EIF4G3: variants seen among roughly 807,000 people sequenced by gnomAD.
EIF4G3 encodes eukaryotic translation initiation factor 4 gamma 3.
A neutral mutation model predicts 186.4 loss-of-function variants in EIF4G3; 34 were observed. The ratio of observed to expected loss-of-function variants is 0.18; its 90% CI spans 0.14 to 0.24. EIF4G3 has a LOEUF of 0.24. EIF4G3 is among the 10% of genes least tolerant of loss of function. EIF4G3 has a pLI of 1.00. For missense variants in EIF4G3, 1,536 were observed against 1,948.5 expected, an observed-to-expected ratio of 0.79 and a Z score of 3.99; for synonymous variants, 673 against 679.5, an observed-to-expected ratio of 0.99 and a Z score of 0.15.
chr1:20,817,239 T>TAAA (rs1393707541), intron 34 of EIF4G3, among the ~76,000 whole-genome samples, 153 bp downstream of exon 34: 1 of 96,852 alleles, frequency 1.0e-5, no homozygotes, highest in African/African-American at 4.2e-5. Context: ...GAATGATCAA[T>TAAA]TAAAAAAAAA....
At chr1:21,010,477 CAT>C (rs2086723150) in intron 4 of EIF4G3, among the ~76,000 whole-genome samples, 1 of 146,566 alleles carries the variant, frequency 6.8e-6, no homozygotes, top group Non-Finnish European at 1.5e-5. Flanking sequence ...AAAAAGAAAA[CAT>C]GTAACAAAAT....
At chr1:20,981,557 T>C (rs1033179126) in intron 8 of EIF4G3, among the ~76,000 whole-genome samples, 3 of 142,722 alleles carry the variant, frequency 2.1e-5, no homozygotes, top group East Asian at 2.0e-4. Flanking sequence ...TATGTATACA[T>C]ACATACATGT....
At chr1:21,170,315 T>C (rs1261000328) in intron 2 of EIF4G3, among the ~76,000 whole-genome samples, 1 of 152,150 alleles carries the variant, frequency 6.6e-6, no homozygotes, top group African/African-American at 2.4e-5. Flanking sequence ...TTCATGGAGT[T>C]TACATTCTAT....
At chr1:21,025,884 A>T (rs1380962091) in intron 4 of EIF4G3, among the ~76,000 whole-genome samples, 1 of 152,202 alleles carries the variant, frequency 6.6e-6, no homozygotes, top group African/African-American at 2.4e-5. Flanking sequence ...TTGCCATGAG[A>T]GTGGATGAGA....
chr1:21,137,962 C>A (rs1330712375), intron 2 of EIF4G3, among the ~76,000 whole-genome samples: 1 of 152,126 alleles, frequency 6.6e-6, no homozygotes, highest in Admixed American at 6.6e-5. Context: ...ATCCTAACTA[C>A]CTTGGGCACA....
intron 3 of EIF4G3, among the ~76,000 whole-genome samples, chr1:21,083,223 AGAGT>A (rs1266886990): frequency 6.6e-6 from 1 of 152,140 alleles, no homozygotes; most frequent in Non-Finnish European, 1.5e-5. Flanking sequence ...CCTAGACGAC[AGAGT>A]GAGACTCTGT....
chr1:21,113,126 G>C (rs2096755148), intron 2 of EIF4G3, among the ~76,000 whole-genome samples: 2 of 125,204 alleles, frequency 1.6e-5, no homozygotes, highest in African/African-American at 6.1e-5. Flanking sequence ...ACTCCGGCCT[G>C]GCTGATAGAG....
At chr1:20,999,723 T>C (rs933050564) in intron 6 of EIF4G3, 4 of 454,602 alleles carry the variant, frequency 8.8e-6, no homozygotes, top group African/African-American at 4.0e-5. Context: ...TAGTCACCAT[T>C]GGCTATTGAG....
At chr1:21,035,223 G>C (rs979644606) in intron 4 of EIF4G3, among the ~76,000 whole-genome samples, 1 of 152,222 alleles carries the variant, frequency 6.6e-6, no homozygotes, top group Non-Finnish European at 1.5e-5. Context: ...CATTTGTGCA[G>C]GGCTGGCCAG....
In EIF4G3 at chr1:21,122,446, GA is replaced by G. The variant is rs1322497523; in HGVS notation, c.-271-33234del. Among the ~76,000 whole-genome samples, 3 of 152,228 alleles carry G rather than the reference GA, an allele frequency of 2.0e-5. No homozygotes were observed. The South Asian group carries it at 6.2e-4, about 32-fold the overall frequency. ...AAACCATGTAACTTATTTTTCTGTT[GA>G]TTTTTATAAATTACAAGGTGACAGA... On this transcript the variant is annotated intron_variant, in intron 2 of 36. Coordinates refer to ENST00000602326, the MANE Select transcript of EIF4G3 (RefSeq NM_001391906.1).
intron 14 of EIF4G3, among the ~76,000 whole-genome samples, chr1:20,939,116 T>TAAA (rs3051247): frequency 0.049 from 6,374 of 129,668 alleles, 232 homozygotes; most frequent in Non-Finnish European, 0.07. Context: ...TAAAAAAAAT[T>TAAA]AAAAAAAAAA....
chr1:20,827,744 TTCTTC>T (rs1557810658), intron 31 of EIF4G3, 46 bp from the exon 32 acceptor site: 2 of 1,347,188 alleles, frequency 1.5e-6, no homozygotes, highest in Admixed American at 3.5e-5. Context: ...AAGAAATCCT[TTCTTC>T]TAGAACAAGA....
chr1:20,988,171 A>C (rs1292093931), intron 7 of EIF4G3: 1 of 160,956 alleles, frequency 6.2e-6, no homozygotes. Flanking sequence ...CATGAGGTTT[A>C]GTGAAAGCAG....
In EIF4G3 at chr1:20,932,454, C is replaced by T. The variant is rs1360151632; in HGVS notation, c.1663+9037G>A. 3.3e-5 allele frequency among the ~76,000 whole-genome samples: 5 copies of T among 152,186 alleles called. No individual in the cohort carries two copies. The East Asian group carries it at 9.6e-4, about 29-fold the overall frequency. Reference sequence around the variant, plus strand: ...GGGCCTAGCTTTCACTCTGTCTCAGCTTTCGATACATATTCCTCACTAAGC... The same window carrying T: ...GGGCCTAGCTTTCACTCTGTCTCAGTTTTCGATACATATTCCTCACTAAGC... On this transcript the variant is annotated intron_variant, in intron 14 of 36. Transcript: ENST00000602326.
chr1:20,995,246 G>A (rs1004227100), intron 7 of EIF4G3, among the ~76,000 whole-genome samples: 4 of 152,122 alleles, frequency 2.6e-5, no homozygotes, highest in Non-Finnish European at 5.9e-5. Flanking sequence ...AACCCAAGTA[G>A]CAGAAACATA....
At chr1:20,841,158 A>T (rs1180698698) in intron 29 of EIF4G3, 130 bp from the exon 30 acceptor site, 1 of 845,058 alleles carries the variant, frequency 1.2e-6, no homozygotes, top group Non-Finnish European at 1.8e-6. Flanking sequence ...GTTTTCAAAT[A>T]TAAGTTTATA....
chr1:21,121,774 C>CA (rs35864256), intron 2 of EIF4G3, among the ~76,000 whole-genome samples: 4,649 of 85,354 alleles, frequency 0.054, 96 homozygotes, highest in Middle Eastern at 0.071. Flanking sequence ...GACTCCGTCT[C>CA]AAAAAAAAAA....
At chr1:20,931,845 A>G (rs1329891679) in intron 14 of EIF4G3, among the ~76,000 whole-genome samples, 1 of 151,914 alleles carries the variant, frequency 6.6e-6, no homozygotes, top group Non-Finnish European at 1.5e-5. Context: ...GAATCGCTTG[A>G]ACCCGGGAGG....
At chr1:21,100,077 CATT>C (rs1489737557) in intron 2 of EIF4G3, among the ~76,000 whole-genome samples, 2 of 152,072 alleles carry the variant, frequency 1.3e-5, no homozygotes, top group African/African-American at 4.8e-5. Context: ...ACCTTGAAAA[CATT>C]ATGGTAAGTT....
Sources: gnomAD v4.1 joint callset for allele counts (sites outside exome capture counted in the v4.1 genomes callset) on GRCh38, gnomAD v4.1.1 for gene constraint, MANE v1.5 for transcripts, NCBI Gene and HGNC (gene_info 2026-07-23, HGNC 2026-07-21) for gene names.